Variants in CPLANE1 observed in about 807,000 individuals in gnomAD.
The protein encoded by CPLANE1 is ciliogenesis and planar polarity effector 1.
A neutral mutation model predicts 362.5 loss-of-function variants in CPLANE1; 263 were observed. The observed-to-expected ratio is 0.73, with a 90% CI of 0.66 to 0.80. CPLANE1 has a LOEUF of 0.80. CPLANE1 is among the 30% of genes least tolerant of loss of function. CPLANE1 has a pLI of 0.00. For synonymous variants in CPLANE1, 1,212 were observed against 1,302.6 expected (o/e 0.93, Z 1.50); for missense variants, 3,461 against 3,793.4 (o/e 0.91, Z 2.30).
At chr5:37,092,995 G>T in the CPLANE1 span, among the ~76,000 whole-genome samples, 1 of 152,166 alleles carries the variant, frequency 6.6e-6, no homozygotes, top group Non-Finnish European at 1.5e-5. Flanking sequence ...GTACTAAGGA[G>T]ATAATCTGAG....
chr5:37,088,236 G>A, the CPLANE1 span, among the ~76,000 whole-genome samples: 1 of 152,204 alleles, frequency 6.6e-6, no homozygotes, highest in Admixed American at 6.5e-5. Flanking sequence ...CCAAGCTGCT[G>A]ATATCTTATC....
At chr5:37,119,258 T>C (rs1226161779) in intron 50 of CPLANE1, among the ~76,000 whole-genome samples, 2 of 152,228 alleles carry the variant, frequency 1.3e-5, no homozygotes, top group Non-Finnish European at 2.9e-5. Context: ...GTATTCATCC[T>C]GCAATCTATC....
rs938785884 is a variant in CPLANE1 at position 37,241,284 on chromosome 5, T to A, written c.678-1415A>T. Among the ~76,000 whole-genome samples the A allele has an allele frequency of 3.3e-5, 5 of 152,252 alleles. No homozygotes were observed. In the East Asian group the frequency reaches 7.7e-4, roughly 24 times the overall value. ...GTCTGGCCAACATGGCGAAACCCCA[T>A]CTTTACTAAAAATACAAAAAATTAG... On this transcript the variant is annotated intron_variant, in intron 6 of 52. Coordinates refer to ENST00000651892, the MANE Select transcript of CPLANE1 (RefSeq NM_001384732.1).
At chr5:37,093,461 G>A in the CPLANE1 span, among the ~76,000 whole-genome samples, 4 of 152,106 alleles carry the variant, frequency 2.6e-5, no homozygotes, top group African/African-American at 7.2e-5. Flanking sequence ...AACAGCAGAC[G>A]TAAAGCAACT....
chr5:37,166,164 C>T (rs936817169), intron 35 of CPLANE1, among the ~76,000 whole-genome samples: 3 of 152,170 alleles, frequency 2.0e-5, no homozygotes, highest in African/African-American at 7.2e-5. Context: ...ATTTTACAGT[C>T]TGATAAATGT....
intron 8 of CPLANE1, among the ~76,000 whole-genome samples, chr5:37,231,928 G>C (rs1797813133): frequency 6.6e-6 from 1 of 152,152 alleles, no homozygotes; most frequent in South Asian, 2.1e-4. Context: ...ACTGAACTGA[G>C]ACTAATACTT....
At position 37,213,564 on chromosome 5, in the gene CPLANE1, T is replaced by A; in HGVS notation, c.2915A>T (p.Lys972Ile). The A allele has an allele frequency of 1.3e-6, 2 of 1,537,012 alleles. No individual in the cohort carries two copies. Among genetic ancestry groups the A allele is most frequent in the South Asian group, 2.5e-5 (2 of 81,570 alleles). Reference protein sequence around the residue: ...HVNVLPPLHIKTEQSFRLIPL... With the variant: ...HVNVLPPLHIITEQSFRLIPL... ...GGATTTGTTTACTACATTACCTGTT[T>A]TAATATGAAGTGGGGGAAGAACATT... is the stretch of plus-strand genomic sequence containing the variant. Residue 972 changes from lysine (K) to isoleucine (I), a missense_variant, in exon 16 of 53, where the codon AAA becomes ATA. Coordinates refer to ENST00000651892, the MANE Select transcript of CPLANE1 (RefSeq NM_001384732.1).
intron 44 of CPLANE1, chr5:37,139,832 G>A: frequency 2.0e-6 from 2 of 985,558 alleles, no homozygotes; most frequent in Non-Finnish European, 2.4e-6. Flanking sequence ...TTACAGGCAT[G>A]GGCCATCGCA....
rs1283588801 is a variant in CPLANE1, at chr5:37,107,755, T to C, written c.9603A>G (p.Glu3201=). 6.2e-7 allele frequency: 1 copy of C among 1,610,612 alleles called. No individual in the cohort carries two copies. Among genetic ancestry groups the C allele is most frequent in the African/African-American group, 1.3e-5 (1 of 74,842 alleles). ...LLQDLSPTEE[E]EPEHPFGVGG... Reference sequence around the variant, plus strand: ...CCACCCCAAAAGGATGCTCTGGCTCTTCCTCTTCAGTTGGAGACAAGTCCT... The same window carrying C: ...CCACCCCAAAAGGATGCTCTGGCTCCTCCTCTTCAGTTGGAGACAAGTCCT... The change falls in exon 53 of 53, where the codon GAA becomes GAG. Residue 3201 remains glutamate (E), a synonymous_variant. Coordinates refer to ENST00000651892, the MANE Select transcript of CPLANE1 (RefSeq NM_001384732.1).
chr5:37,208,155 G>A (rs1401481628), intron 16 of CPLANE1, among the ~76,000 whole-genome samples: 1 of 152,118 alleles, frequency 6.6e-6, no homozygotes. Context: ...TCATAATGTT[G>A]CCCAGGCTGA....
At chr5:37,216,079 G>A (rs954849621) in intron 15 of CPLANE1, among the ~76,000 whole-genome samples, 6 of 151,852 alleles carry the variant, frequency 4.0e-5, no homozygotes, top group Admixed American at 2.6e-4. Context: ...TCAAGTAATC[G>A]GTCCGCCTCA....
rs763344941 is a variant in CPLANE1 at position 37,195,870 on chromosome 5, T to C, written c.3799A>G (p.Ile1267Val). ...AGDHKLDEVS[I>V]RAIGCFRELC... is the part of the protein sequence containing the mutation. Reference sequence around the variant, plus strand: ...ATTTTGGACAAACCTATTGCTCTAATGGAAACTTCATCAAGCTTGTGGTCT... The same window carrying C: ...ATTTTGGACAAACCTATTGCTCTAACGGAAACTTCATCAAGCTTGTGGTCT... The change falls in exon 21 of 53, where the codon ATT becomes GTT. Residue 1267 changes from isoleucine (I) to valine (V), a missense_variant. Ile to Val is a conservative substitution (Grantham distance 29, BLOSUM62 3). This residue lies in a region of CPLANE1 where 3,380 missense variants were observed against 3,666.1 expected (regional missense o/e 0.92). Coordinates refer to ENST00000651892, the MANE Select transcript of CPLANE1 (RefSeq NM_001384732.1). The C allele has an allele frequency of 3.1e-6, 5 of 1,610,978 alleles. No homozygotes were observed. Among genetic ancestry groups the C allele is most frequent in the Admixed American group, 1.7e-5 (1 of 59,314 alleles).
the CPLANE1 span, among the ~76,000 whole-genome samples, chr5:37,078,256 C>G: frequency 6.6e-6 from 1 of 152,124 alleles, no homozygotes; most frequent in Non-Finnish European, 1.5e-5. Flanking sequence ...TCCATGTGTT[C>G]TCACCATTCA....
At position 37,114,998 on chromosome 5, in the gene CPLANE1, A is replaced by C. The variant is rs1016289018; in HGVS notation, c.9362T>G (p.Val3121Gly). 1 of 1,611,386 alleles carries C rather than the reference A, an allele frequency of 6.2e-7. No homozygotes were observed. Among genetic ancestry groups the C allele is most frequent in the Admixed American group, 1.7e-5 (1 of 59,848 alleles). Residue 3121 changes from valine to glycine, a missense_variant, in exon 51 of 53, where the codon GTA (valine) becomes GGA (glycine). Val to Gly is a moderately radical substitution (Grantham distance 109). Transcript: ENST00000651892. ...AACTGGAGACTGCGTAGCCTTTCTTACTGCTGCTTTGGCTCCACCAGCTTT... is the reference window on the plus strand; with the variant it reads ...AACTGGAGACTGCGTAGCCTTTCTTCCTGCTGCTTTGGCTCCACCAGCTTT... ...QKKAGGAKAA[V>G]RKATQSPVTF... is the part of the protein sequence containing the mutation.
chr5:37,230,962 G>A lies in CPLANE1; in HGVS notation c.1026C>T (p.Thr342=), dbSNP rs1389650379. Residue 342 remains threonine (T), a synonymous_variant, in exon 9 of 53, where the codon ACC becomes ACT. Transcript: ENST00000651892. ...MLKRGSLVLL[T]CQGELLTLIT... ...TTAATGTTAGCAATTCACCTTGGCAGGTCAATAAAACCAGAGAGCCACGTT... is the reference window on the plus strand; with the variant it reads ...TTAATGTTAGCAATTCACCTTGGCAAGTCAATAAAACCAGAGAGCCACGTT... The A allele has an allele frequency of 1.3e-6, 2 of 1,550,866 alleles. No homozygotes were observed. Among genetic ancestry groups the A allele is most frequent in the Admixed American group, 3.9e-5 (2 of 50,818 alleles).
chr5:37,088,286 A>G, the CPLANE1 span, among the ~76,000 whole-genome samples: 2 of 152,230 alleles, frequency 1.3e-5, no homozygotes, highest in Non-Finnish European at 2.9e-5. Flanking sequence ...TGCAGCAGGC[A>G]ATGCAGGCAA....
In CPLANE1 at chr5:37,138,955, T is replaced by A. The variant is rs1208036151; in HGVS notation, c.8664-107A>T. The stretch of plus-strand genomic sequence containing the variant: ...ATGAACACAAAATGATAAACATATA[T>A]CTACTGTTCCTTCTATTTCTGTAAT... On this transcript the variant is annotated intron_variant, in intron 45 of 52. Coordinates refer to ENST00000651892, the MANE Select transcript of CPLANE1 (RefSeq NM_001384732.1). 16 of 943,304 alleles carry A rather than the reference T, an allele frequency of 1.7e-5. No individual in the cohort carries two copies. The South Asian group carries it at 3.0e-4, about 18-fold the overall frequency. 58.4% of individuals were successfully genotyped at this position (943,304 alleles called of 1,614,324 possible). A position where few individuals can be genotyped will look rare whatever the true frequency, so the allele number is the denominator to read the frequency against.
At chr5:37,183,729 T>C in intron 25 of CPLANE1, 30 bp from the exon 26 acceptor site, 1 of 1,416,026 alleles carries the variant, frequency 7.1e-7, no homozygotes, top group Non-Finnish European at 9.6e-7. Flanking sequence ...TAAGACAAAA[T>C]TAGAGATCAT....
At chr5:37,085,207 G>A in the CPLANE1 span, 3 of 844,990 alleles carry the variant, frequency 3.6e-6, no homozygotes, top group East Asian at 7.3e-5. Context: ...CTAAGGAACA[G>A]ACTTAAGTAT....
Sources: gnomAD v4.1 joint callset for allele counts (sites outside exome capture counted in the v4.1 genomes callset) on GRCh38, gnomAD v4.1.1 for gene constraint, gnomAD v4.1.1 regional missense constraint, MANE v1.5 for transcripts, NCBI Gene and HGNC (gene_info 2026-07-23, HGNC 2026-07-21) for gene names.